Variants in SRL observed in about 807,000 individuals in gnomAD.
SRL encodes sarcalumenin.
Under a neutral mutation model 39.5 loss-of-function variants are expected in SRL, and 23 were observed. The observed-to-expected ratio is 0.58, with a 90% CI of 0.42 to 0.82. SRL has a LOEUF of 0.82. Among genes scored for constraint, SRL ranks in the 40% least tolerant of loss-of-function variants. The probability of loss-of-function intolerance (pLI) is 0.00; values close to 1 mark genes in which losing one functional copy is unlikely to be tolerated. For synonymous variants in SRL, 272 were observed against 237.4 expected (o/e 1.15, Z -1.34); for missense variants, 592 against 607.8 (o/e 0.97, Z 0.27).
intron 1 of SRL, among the ~76,000 whole-genome samples, chr16:4,223,118 G>A (rs1471848547): frequency 6.6e-6 from 1 of 151,640 alleles, no homozygotes; most frequent in Non-Finnish European, 1.5e-5. Flanking sequence ...TGTAGTCCCA[G>A]CTACTCGGGA....
intron 1 of SRL, among the ~76,000 whole-genome samples, chr16:4,231,926 C>A (rs1373075016): frequency 2.0e-5 from 3 of 152,152 alleles, no homozygotes; most frequent in African/African-American, 7.2e-5. Context: ...ACGAAACAGC[C>A]CCATGCTGGA....
intron 1 of SRL, among the ~76,000 whole-genome samples, chr16:4,209,035 G>A (rs913752555): frequency 1.3e-5 from 2 of 152,200 alleles, no homozygotes; most frequent in African/African-American, 2.4e-5. Flanking sequence ...CACTTTGGGA[G>A]GTCGAGATAG....
intron 1 of SRL, among the ~76,000 whole-genome samples, chr16:4,213,009 G>A (rs544913494): frequency 2.0e-4 from 31 of 152,338 alleles, no homozygotes; most frequent in African/African-American, 6.0e-4. Context: ...AAAGGAGGAC[G>A]CTCTGGCCAG....
intron 3 of SRL, among the ~76,000 whole-genome samples, chr16:4,200,809 T>C (rs903773293): frequency 6.6e-6 from 1 of 152,228 alleles, no homozygotes; most frequent in East Asian, 1.9e-4. Flanking sequence ...AGCACGTCTC[T>C]GGGCCTCAGG....
At chr16:4,203,037 C>T in intron 3 of SRL, 129 bp downstream of exon 3, 1 of 811,476 alleles carries the variant, frequency 1.2e-6, no homozygotes, top group Non-Finnish European at 2.1e-6. Flanking sequence ...AGTCCTTGCA[C>T]ACATCATGAA....
chr16:4,239,055 G>A (rs1324726310), intron 1 of SRL, among the ~76,000 whole-genome samples: 1 of 152,180 alleles, frequency 6.6e-6, no homozygotes, highest in South Asian at 2.1e-4. Flanking sequence ...CCAGCTGTGG[G>A]GAAAAGGCTT....
At chr16:4,228,610 C>G (rs935172343) in intron 1 of SRL, among the ~76,000 whole-genome samples, 6 of 151,918 alleles carry the variant, frequency 3.9e-5, no homozygotes, top group Non-Finnish European at 8.8e-5. Context: ...TGGCGGGCAC[C>G]TGTAGTCCCA....
intron 1 of SRL, among the ~76,000 whole-genome samples, chr16:4,225,115 G>C (rs976919292): frequency 1.3e-5 from 2 of 152,000 alleles, no homozygotes; most frequent in South Asian, 2.1e-4. Flanking sequence ...AGGAGAACTG[G>C]GGAGTGTGTG....
intron 1 of SRL, among the ~76,000 whole-genome samples, chr16:4,212,631 T>A (rs535320118): frequency 6.6e-6 from 1 of 152,260 alleles, no homozygotes; most frequent in Admixed American, 6.5e-5. Context: ...GCTGCCAGGG[T>A]GGCCCCCCCG....
chr16:4,233,521 A>G (rs2141069275), intron 1 of SRL, among the ~76,000 whole-genome samples: 1 of 152,192 alleles, frequency 6.6e-6, no homozygotes, highest in East Asian at 1.9e-4. Context: ...CTTCCCAACC[A>G]TCTTCTGAAC....
At chr16:4,230,675 A>AC (rs1242551113) in intron 1 of SRL, among the ~76,000 whole-genome samples, 1 of 151,870 alleles carries the variant, frequency 6.6e-6, no homozygotes, top group Non-Finnish European at 1.5e-5. Flanking sequence ...GGTGTGAGCC[A>AC]CCACACCCAG....
intron 3 of SRL, among the ~76,000 whole-genome samples, chr16:4,199,428 G>A (rs1031249857): frequency 8.1e-6 from 1 of 122,948 alleles, no homozygotes; most frequent in East Asian, 2.5e-4. Flanking sequence ...CCACAGTGCA[G>A]TGGTGTGATC....
intron 5 of SRL, 87 bp from the exon 6 acceptor site, chr16:4,193,051 G>T: frequency 2.5e-6 from 3 of 1,180,034 alleles, no homozygotes; most frequent in Non-Finnish European, 3.5e-6. Context: ...CATTCTGGGG[G>T]TTGAAAGAAG....
At chr16:4,232,415 T>C (rs1209119207) in intron 1 of SRL, among the ~76,000 whole-genome samples, 1 of 152,162 alleles carries the variant, frequency 6.6e-6, no homozygotes, top group Non-Finnish European at 1.5e-5. Context: ...ACACAGGTGG[T>C]CACATCAGGC....
chr16:4,208,427 C>T (rs1197031261), intron 1 of SRL, among the ~76,000 whole-genome samples: 3 of 152,134 alleles, frequency 2.0e-5, no homozygotes, highest in East Asian at 1.9e-4. Context: ...TTCAAGCTTC[C>T]GGGCTTGGTC....
intron 1 of SRL, among the ~76,000 whole-genome samples, chr16:4,238,430 A>G (rs1279480665): frequency 6.6e-6 from 1 of 152,126 alleles, no homozygotes; most frequent in Non-Finnish European, 1.5e-5. Context: ...GGCCAGCTAG[A>G]TGCTACCGGC....
chr16:4,237,414 C>T (rs751744421), intron 1 of SRL, among the ~76,000 whole-genome samples: 16 of 152,200 alleles, frequency 1.1e-4, no homozygotes, highest in Non-Finnish European at 2.2e-4. Flanking sequence ...TCCACCCCTT[C>T]TCTCCACTCC....
rs151251282 is a variant in SRL at position 4,195,578 on chromosome 16, G to C, written c.585C>G (p.Ile195Met). ...CTCTTTCTTGCTGCTTGCGGTTCTC[G>C]ATGATGCCTGGTGTATCCACAAAAG... Reference protein sequence around the residue: ...RVTFVDTPGIIENRKQQERGY... With the variant: ...RVTFVDTPGIMENRKQQERGY... The change falls in exon 5 of 6, where the codon ATC (isoleucine) becomes ATG (methionine). Residue 195 changes from isoleucine (I) to methionine (M), a missense_variant. Physicochemically the swap from Ile to Met is conservative, Grantham distance 10. Coordinates refer to ENST00000399609, the MANE Select transcript of SRL (RefSeq NM_001098814.2). 1.9e-6 allele frequency: 3 copies of C among 1,614,014 alleles called. No individual in the cohort carries two copies. Among genetic ancestry groups the C allele is most frequent in the African/African-American group, 1.3e-5 (1 of 74,902 alleles).
intron 3 of SRL, among the ~76,000 whole-genome samples, chr16:4,198,509 T>C (rs1256309296): frequency 6.6e-6 from 1 of 152,098 alleles, no homozygotes; most frequent in Non-Finnish European, 1.5e-5. Flanking sequence ...AATGCAGTGG[T>C]GCAATTGTGC....
Sources: allele counts gnomAD v4.1 joint callset (sites outside exome capture counted in the v4.1 genomes callset), GRCh38; gene constraint gnomAD v4.1.1; transcripts MANE v1.5; gene names NCBI Gene and HGNC (gene_info 2026-07-23, HGNC 2026-07-21).